Variants in MROH1 observed in about 807,000 individuals in gnomAD.
MROH1 encodes maestro heat like repeat family member 1.
MROH1 carries 117 observed loss-of-function variants against 116.5 expected under a neutral mutation model. That is an observed-to-expected ratio of 1.00 (90% CI 0.86 to 1.17). The LOEUF (loss-of-function observed/expected upper bound fraction) is 1.17. Among genes scored for constraint, MROH1 ranks in the 50% most tolerant of loss-of-function variants. The pLI, the probability that MROH1 is intolerant of heterozygous loss-of-function variation, is 0.00. For synonymous variants in MROH1, 921 were observed against 583.9 expected, an observed-to-expected ratio of 1.58 and a Z score of -8.32; for missense variants, 1,873 against 1,338.5, an observed-to-expected ratio of 1.40 and a Z score of -6.23.
At chr8:144,186,358 G>A (rs574979687) in intron 7 of MROH1, among the ~76,000 whole-genome samples, 1 of 152,182 alleles carries the variant, frequency 6.6e-6, no homozygotes, top group East Asian at 1.9e-4. Context: ...CTGACCTCAG[G>A]TGATCTGTCC....
intron 14 of MROH1, among the ~76,000 whole-genome samples, chr8:144,234,498 G>GTTTTTTTTTTATTTTTTTTTTTTTTTT (rs1839631190): frequency 5.5e-5 from 1 of 18,090 alleles, no homozygotes; most frequent in Non-Finnish European, 1.2e-4. Flanking sequence ...TTTCTTTTTC[G>GTTTTTTTTTTATTTTTTTTTTTTTTTT]TTTTTTTTTT....
chr8:144,220,944 C>T (rs954234952), intron 13 of MROH1, among the ~76,000 whole-genome samples: 1 of 152,204 alleles, frequency 6.6e-6, no homozygotes, highest in Non-Finnish European at 1.5e-5. Context: ...CAGTTGTTCT[C>T]TAGAAGGACC....
chr8:144,209,027 TTGTGTGTGTGTGTGTGTGTGTG>T (rs71320812), intron 12 of MROH1, among the ~76,000 whole-genome samples: 4 of 141,640 alleles, frequency 2.8e-5, no homozygotes, highest in Non-Finnish European at 6.1e-5. Context: ...CTCGGCCATT[TTGTGTGTGTGTGTGTGTGTGTG>T]TGTGTGTGTG....
intron 1 of MROH1, among the ~76,000 whole-genome samples, chr8:144,154,073 AT>A (rs1165289294): frequency 0.12 from 16,778 of 135,536 alleles, 3,100 homozygotes; most frequent in African/African-American, 0.41. Context: ...TTTTATTTTT[AT>A]TTTTTTTTGA....
At chr8:144,235,406 G>A (rs1187504137) in intron 14 of MROH1, among the ~76,000 whole-genome samples, 7 of 151,994 alleles carry the variant, frequency 4.6e-5, no homozygotes, top group South Asian at 2.1e-4. Flanking sequence ...GAATAAAATC[G>A]GTGCGAGCAG....
Position 144,261,057 on chromosome 8 carries a change from AGGCGGGGCGTGGTG to A in MROH1, c.4671+19_4671+32del. 2 of 174,872 alleles carry A rather than the reference AGGCGGGGCGTGGTG, an allele frequency of 1.1e-5. No homozygotes were observed. Among genetic ancestry groups the A allele is most frequent in the Non-Finnish European group, 2.4e-5 (2 of 84,396 alleles). The allele number at this position is 174,872 out of a possible 1,614,324, so 10.8% of individuals were successfully genotyped here. A position where few individuals can be genotyped will look rare whatever the true frequency, so the allele number is the denominator to read the frequency against. ...CAAGCACCTGGTGAGGGGTGGGGCC[AGGCGGGGCGTGGTG>A]GGTGGGGCGGGGCCAGGCGGCACTG... On this transcript the variant is annotated intron_variant, in intron 41 of 43. Coordinates refer to ENST00000326134, the MANE Select transcript of MROH1 (RefSeq NM_032450.3).
At chr8:144,250,723 G>A (rs1184126681) in intron 33 of MROH1, 5 of 402,196 alleles carry the variant, frequency 1.2e-5, no homozygotes, top group Non-Finnish European at 2.4e-5. Context: ...CTGTGTCTTG[G>A]TTCCGGCTAC....
intron 14 of MROH1, among the ~76,000 whole-genome samples, chr8:144,225,717 A>G (rs1479455922): frequency 6.6e-6 from 1 of 151,372 alleles, no homozygotes; most frequent in East Asian, 2.0e-4. Context: ...ATGCCTGGCT[A>G]ATTTTTTATT....
Position 144,227,361 on chromosome 8 carries a change from C to T in MROH1, c.1338+4131C>T, listed in dbSNP as rs541331389. 5.9e-5 allele frequency among the ~76,000 whole-genome samples: 9 copies of T among 152,164 alleles called. No individual in the cohort carries two copies. The South Asian group carries it at 1.4e-3, about 24-fold the overall frequency. On this transcript the variant is annotated intron_variant, in intron 14 of 43. Transcript: ENST00000326134. ...ACTATTAAGAATGCTGGGGGCTGGG[C>T]GCAGTGGCTCATGCCTGTAATCCCA...
At chr8:144,187,411 A>C (rs1196971587) in intron 7 of MROH1, among the ~76,000 whole-genome samples, 1 of 152,094 alleles carries the variant, frequency 6.6e-6, no homozygotes, top group Non-Finnish European at 1.5e-5. Flanking sequence ...CCCTGTCTTA[A>C]AAAAAAGAAA....
In MROH1 at chr8:144,152,606, G is replaced by A. The variant is rs954495867; in HGVS notation, c.-177+4530G>A. The stretch of plus-strand genomic sequence containing the variant: ...CTGTCGCCCAGGCTGGAGTGCAGTG[G>A]TGCAATCTCGGCTCACTGGAAGCTC... On this transcript the variant is annotated intron_variant, in intron 1 of 43. Coordinates refer to ENST00000326134, the MANE Select transcript of MROH1 (RefSeq NM_032450.3). 3.8e-3 allele frequency among the ~76,000 whole-genome samples: 579 copies of A among 151,962 alleles called. 7 individuals carry two copies. Among genetic ancestry groups the A allele is most frequent in the South Asian group, 7.1e-3 (34 of 4,814 alleles).
At chr8:144,169,420 A>G (rs1347611535) in intron 4 of MROH1, among the ~76,000 whole-genome samples, 1 of 147,774 alleles carries the variant, frequency 6.8e-6, no homozygotes, top group Non-Finnish European at 1.5e-5. Context: ...GTTTATTTAT[A>G]TTTTTATTTT....
At chr8:144,237,284 G>A (rs1019134990) in intron 14 of MROH1, among the ~76,000 whole-genome samples, 10 of 152,258 alleles carry the variant, frequency 6.6e-5, no homozygotes, top group African/African-American at 1.2e-4. Flanking sequence ...GGGTCCATGC[G>A]CAGTCCCTGT....
Position 144,259,898 on chromosome 8 carries a change from C to T in MROH1, c.4045-13C>T, listed in dbSNP as rs1844678308. 4.1e-6 allele frequency: 3 copies of T among 730,578 alleles called. No individual in the cohort carries two copies. Among genetic ancestry groups the T allele is most frequent in the Admixed American group, 1.9e-5 (1 of 52,120 alleles). 45.3% of individuals were successfully genotyped at this position (730,578 alleles called of 1,614,324 possible). ...CAGCGGGGAGAGGGAAGTCACAGCA[C>T]CTCTGCCTGCAGCTGCTGAACAGCA... On this transcript the variant is annotated splice_polypyrimidine_tract_variant and intron_variant, in intron 37 of 43. Transcript: ENST00000326134.
intron 10 of MROH1, among the ~76,000 whole-genome samples, chr8:144,198,608 C>A: frequency 6.6e-6 from 1 of 152,078 alleles, no homozygotes; most frequent in East Asian, 1.9e-4. Context: ...TGCTTTTTAC[C>A]AATAAGACTT....
At chr8:144,242,848 G>A (rs1436275796) in intron 24 of MROH1, among the ~76,000 whole-genome samples, 2 of 152,212 alleles carry the variant, frequency 1.3e-5, no homozygotes, top group Non-Finnish European at 2.9e-5. Context: ...GCGCCTCCGA[G>A]GGGCCGGGTC....
At chr8:144,204,668 T>C (rs1832444069) in intron 12 of MROH1, among the ~76,000 whole-genome samples, 3 of 152,224 alleles carry the variant, frequency 2.0e-5, no homozygotes, top group Admixed American at 6.5e-5. Context: ...GTAAATAATT[T>C]TGTATCTGGC....
intron 29 of MROH1, 25 bp from the exon 30 acceptor site, chr8:144,247,276 A>G: frequency 1.3e-6 from 1 of 764,040 alleles, no homozygotes. Flanking sequence ...CAGCATTCTA[A>G]TAGCCCAGGC....
Position 144,192,657 on chromosome 8 carries a change from GCAGGCCCAGTA to G in MROH1, c.948+261_948+271del, listed in dbSNP as rs1224987947. 9.0e-6 allele frequency: 6 copies of G among 665,532 alleles called. No individual in the cohort carries two copies. The South Asian group carries it at 9.4e-5, about 10-fold the overall frequency. 41.2% of individuals were successfully genotyped at this position (665,532 alleles called of 1,614,324 possible). ...GCAGGAGTGGGTGCCCAGGCCCAGT[GCAGGCCCAGTA>G]CAGGTGGTCCCAGAGAAAGGTCAGC... On this transcript the variant is annotated intron_variant, in intron 10 of 43. Transcript: ENST00000326134.
Sources: allele counts gnomAD v4.1 joint callset (sites outside exome capture counted in the v4.1 genomes callset), GRCh38; gene constraint gnomAD v4.1.1; transcripts MANE v1.5; gene names NCBI Gene and HGNC (gene_info 2026-07-23, HGNC 2026-07-21).